The following NOTCH1 variants were observed in gnomAD, a reference collection of about 807,000 sequenced individuals.
NOTCH1 encodes the protein notch receptor 1.
A neutral mutation model predicts 254.8 loss-of-function variants in NOTCH1; 37 were observed. The ratio of observed to expected loss-of-function variants is 0.15; its 90% confidence interval spans 0.11 to 0.19. The LOEUF (loss-of-function observed/expected upper bound fraction) is 0.19. Among genes scored for constraint, NOTCH1 ranks in the 10% least tolerant of loss-of-function variants. NOTCH1 has a pLI of 1.00. For missense variants in NOTCH1, 2,972 were observed against 3,708.6 expected (o/e 0.80, Z 5.16); for synonymous variants, 1,731 against 1,618.1 (o/e 1.07, Z -1.68).
intron 9 of NOTCH1, 44 bp from the exon 10 acceptor site, chr9:136,516,138 C>G (rs1294026055): frequency 7.1e-7 from 1 of 1,412,796 alleles, no homozygotes; most frequent in Non-Finnish European, 9.9e-7. Context: ...TGCAACAGCA[C>G]TATGGCCCTT....
rs2133341407 is a variant in NOTCH1 at position 136,505,900 on chromosome 9, A to G, written c.4015-19T>C. ...CGAAGCCCTGCCCGAGAGGGAAGAC[A>G]GGACGGTGTCGGGGTGGGCCACCCC... is the stretch of plus-strand genomic sequence containing the variant. On this transcript the variant is annotated intron_variant, in intron 24 of 33. Transcript: ENST00000651671. 3.8e-6 allele frequency: 6 copies of G among 1,573,774 alleles called. No homozygotes were observed. The highest frequency in any genetic ancestry group is 5.1e-6 in the Non-Finnish European group (6 of 1,168,996).
chr9:136,532,063 C>T (rs548109362), intron 2 of NOTCH1, among the ~76,000 whole-genome samples: 8 of 152,370 alleles, frequency 5.3e-5, no homozygotes, highest in South Asian at 4.1e-4. Context: ...GCGTGATCAC[C>T]GGGCGCCTGG....
chr9:136,504,166 T>A, intron 26 of NOTCH1, among the ~76,000 whole-genome samples: 1 of 152,246 alleles, frequency 6.6e-6, no homozygotes, highest in East Asian at 1.9e-4. Context: ...TGGGAACCCC[T>A]GGAGAGCTGA....
intron 15 of NOTCH1, among the ~76,000 whole-genome samples, chr9:136,511,698 C>T (rs1048532485): frequency 1.3e-4 from 20 of 152,126 alleles, no homozygotes; most frequent in Admixed American, 4.6e-4. Flanking sequence ...GGCCTGAGAC[C>T]GAGGCCTGAA....
intron 2 of NOTCH1, among the ~76,000 whole-genome samples, chr9:136,530,017 C>T (rs951218250): frequency 6.7e-6 from 1 of 148,284 alleles, no homozygotes; most frequent in Non-Finnish European, 1.5e-5. Context: ...GCTCCCAGGG[C>T]CCCAGGAAGG....
intron 2 of NOTCH1, among the ~76,000 whole-genome samples, chr9:136,525,393 C>G (rs939379389): frequency 6.6e-6 from 1 of 151,968 alleles, no homozygotes; most frequent in Admixed American, 6.5e-5. Flanking sequence ...CCTTGCGCTC[C>G]GGGAAAAGGT....
chr9:136,510,861 T>G (rs1424942065), intron 16 of NOTCH1, 56 bp from the exon 17 acceptor site: 1 of 1,598,298 alleles, frequency 6.3e-7, no homozygotes, highest in Non-Finnish European at 8.5e-7. Flanking sequence ...CTCCAGGCCC[T>G]TCCCAGGCTG....
chr9:136,499,216 T>C lies in NOTCH1; in HGVS notation c.5978A>G (p.His1993Arg), dbSNP rs1177828638. ...CAGGATCAGTGGCGTCGTGCCATCA[T>C]GCATGCGGGCATCCAGGTCTGTGGC... is the stretch of plus-strand genomic sequence containing the variant. ...NRATDLDARM[H>R]DGTTPLILAA... Residue 1993 changes from histidine to arginine, a missense_variant, in exon 32 of 34, where the codon CAT becomes CGT. By Grantham distance (29) the His-to-Arg change is conservative. Around this residue, in one of 8 missense-constraint regions of NOTCH1, gnomAD observed 421 missense variants for 604.4 expected, o/e 0.70. Coordinates refer to ENST00000651671, the MANE Select transcript of NOTCH1 (RefSeq NM_017617.5). 6.2e-7 allele frequency: 1 copy of C among 1,613,332 alleles called. No homozygotes were observed. The highest frequency in any genetic ancestry group is 1.7e-5 in the Admixed American group (1 of 60,026).
chr9:136,528,896 C>T (rs1843516328), intron 2 of NOTCH1, among the ~76,000 whole-genome samples: 1 of 152,156 alleles, frequency 6.6e-6, no homozygotes, highest in Non-Finnish European at 1.5e-5. Context: ...GTGGCCACGT[C>T]CTGCAGGAGC....
chr9:136,504,454 G>A (rs567641952), intron 26 of NOTCH1, among the ~76,000 whole-genome samples: 1 of 152,232 alleles, frequency 6.6e-6, no homozygotes, highest in Non-Finnish European at 1.5e-5. Flanking sequence ...CCAGGAAAAG[G>A]GTGTGGCTGT....
rs2133331260 is a variant in NOTCH1 at position 136,502,365 on chromosome 9, T to A, written c.5291A>T (p.His1764Leu). 1 of 1,612,442 alleles carries A rather than the reference T, an allele frequency of 6.2e-7. No homozygotes were observed. Among genetic ancestry groups the A allele is most frequent in the Non-Finnish European group, 8.5e-7 (1 of 1,179,798 alleles). ...VLLSRKRRRQ[H>L]GQLWFPEGFK... ...GCCCTCAGGGAACCAGAGCTGGCCA[T>A]GCTGCCGCCGGCGCTTGCGGGACAG... is the stretch of plus-strand genomic sequence containing the variant. Residue 1764 changes from histidine (H) to leucine (L), a missense_variant, in exon 28 of 34, where the codon CAT (histidine) becomes CTT (leucine). Physicochemically the swap from His to Leu is moderately conservative, Grantham distance 99. This residue lies in a region of NOTCH1 where 421 missense variants were observed against 604.4 expected (regional missense o/e 0.70). Transcript: ENST00000651671.
chr9:136,541,936 G>A (rs890165772), intron 2 of NOTCH1, among the ~76,000 whole-genome samples: 18 of 152,210 alleles, frequency 1.2e-4, no homozygotes, highest in African/African-American at 4.1e-4. Flanking sequence ...CAGGCTTCCC[G>A]CCAAGAAGGA....
At chr9:136,542,208 C>A (rs1282129603) in intron 2 of NOTCH1, among the ~76,000 whole-genome samples, 10 of 152,310 alleles carry the variant, frequency 6.6e-5, no homozygotes, top group East Asian at 1.9e-4. Flanking sequence ...GTGCCTACTC[C>A]CTGGTGCCAC....
intron 1 of NOTCH1, 32 bp from the exon 2 acceptor site, chr9:136,544,134 T>TCACCCGCAC: frequency 6.5e-7 from 1 of 1,543,534 alleles, no homozygotes; most frequent in Non-Finnish European, 8.8e-7. Context: ...GAGGTCAGTC[T>TCACCCGCAC]CACCCGCACC....
At chr9:136,523,416 C>T (rs1279149210) in intron 3 of NOTCH1, among the ~76,000 whole-genome samples, 21 of 152,258 alleles carry the variant, frequency 1.4e-4, no homozygotes, top group Admixed American at 1.3e-3. Context: ...CACCTCCAGA[C>T]ACCCTTCACC....
rs2133326123 is a variant in NOTCH1, at chr9:136,500,695, C to T, written c.5791G>A (p.Ala1931Thr). Residue 1931 changes from alanine (A) to threonine (T), a missense_variant, in exon 31 of 34, where the codon GCC becomes ACC. Physicochemically the swap from Ala to Thr is moderately conservative, Grantham distance 58. This residue lies in a region of NOTCH1 where 421 missense variants were observed against 604.4 expected (regional missense o/e 0.70). Coordinates refer to ENST00000651671, the MANE Select transcript of NOTCH1 (RefSeq NM_017617.5). ...GAGTAGCGGGCGGCCAGGTGCAAGG[C>T]GGTCTCGCCCGTGCGGTCTGTCTGG... ...HNQTDRTGET[A>T]LHLAARYSRS... 6.2e-7 allele frequency: 1 copy of T among 1,610,484 alleles called. No individual in the cohort carries two copies. The highest frequency in any genetic ancestry group is 8.5e-7 in the Non-Finnish European group (1 of 1,179,912).
intron 4 of NOTCH1, 94 bp downstream of exon 4, chr9:136,522,756 C>T: frequency 8.0e-7 from 1 of 1,247,634 alleles, no homozygotes; most frequent in Non-Finnish European, 1.1e-6. Context: ...ATGGGCCCTC[C>T]CAGGGCTGCC....
chr9:136,500,424 G>T, intron 31 of NOTCH1, 128 bp downstream of exon 31: 1 of 1,149,052 alleles, frequency 8.7e-7, no homozygotes, highest in Non-Finnish European at 1.3e-6. Context: ...CCAGGTGGAG[G>T]CACCAGTTGT....
At chr9:136,502,177 G>T (rs2133330463) in intron 28 of NOTCH1, 89 bp from the exon 29 acceptor site, 1 of 1,579,372 alleles carries the variant, frequency 6.3e-7, no homozygotes, top group Non-Finnish European at 8.6e-7. Context: ...GTGGGAGGTG[G>T]GCCCTGGGTC....
Sources: allele counts gnomAD v4.1 joint callset (sites outside exome capture counted in the v4.1 genomes callset), GRCh38; gene constraint gnomAD v4.1.1; regional missense constraint gnomAD v4.1.1; transcripts MANE v1.5; gene names NCBI Gene and HGNC (gene_info 2026-07-23, HGNC 2026-07-21).